PDS5B: variants seen among roughly 807,000 people sequenced by gnomAD.
PDS5B encodes the protein sister chromatid cohesion protein PDS5 homolog B.
PDS5B carries 51 observed loss-of-function variants against 184.1 expected under a neutral mutation model. That is an observed-to-expected ratio of 0.28 (90% CI 0.22 to 0.35). The LOEUF (loss-of-function observed/expected upper bound fraction) is 0.35. Ranked by LOEUF, PDS5B falls within the 10% of genes least tolerant of loss-of-function variation. The probability of loss-of-function intolerance (pLI) is 1.00; values close to 1 mark genes in which losing one functional copy is unlikely to be tolerated. For synonymous variants in PDS5B, 566 were observed against 569.2 expected (o/e 0.99, Z 0.08); for missense variants, 1,180 against 1,723.3 (o/e 0.68, Z 5.58).
chr13:32,694,401 G>A, intron 14 of PDS5B, 97 bp downstream of exon 14: 1 of 788,972 alleles, frequency 1.3e-6, no homozygotes, highest in South Asian at 1.5e-5. Flanking sequence ...CTTTCTGTTT[G>A]CAAAAGTTCT....
intron 1 of PDS5B, among the ~76,000 whole-genome samples, chr13:32,598,890 C>T (rs2057925069): frequency 1.3e-5 from 2 of 151,546 alleles, no homozygotes; most frequent in African/African-American, 4.9e-5. Flanking sequence ...CCTGCCTCAG[C>T]CTTCCAAGTA....
At chr13:32,762,436 T>C (rs1235060660) in intron 30 of PDS5B, among the ~76,000 whole-genome samples, 6 of 152,224 alleles carry the variant, frequency 3.9e-5, no homozygotes, top group Admixed American at 6.5e-5. Flanking sequence ...ATTGCATTTA[T>C]AGCTTTTGTT....
At chr13:32,757,490 A>G (rs959354842) in intron 26 of PDS5B, among the ~76,000 whole-genome samples, 3 of 133,172 alleles carry the variant, frequency 2.3e-5, no homozygotes, top group South Asian at 4.5e-4. Flanking sequence ...TCTATAATAC[A>G]TAGGCAAAAC....
intron 19 of PDS5B, among the ~76,000 whole-genome samples, chr13:32,730,669 G>A (rs879119492): frequency 6.6e-6 from 1 of 152,068 alleles, no homozygotes; most frequent in Non-Finnish European, 1.5e-5. Context: ...CCCATCCCTT[G>A]TAAGTTGTAT....
chr13:32,702,324 T>G (rs1298539141), intron 17 of PDS5B, among the ~76,000 whole-genome samples: 1 of 152,132 alleles, frequency 6.6e-6, no homozygotes, highest in Non-Finnish European at 1.5e-5. Flanking sequence ...GAAGAGGTAG[T>G]TCTGAGGTTT....
chr13:32,704,816 G>T (rs1358978261), intron 17 of PDS5B, among the ~76,000 whole-genome samples: 1 of 152,184 alleles, frequency 6.6e-6, no homozygotes, highest in Non-Finnish European at 1.5e-5. Context: ...ATGACATAGA[G>T]ATTCTGTACA....
At chr13:32,652,595 A>AT (rs954772898) in intron 3 of PDS5B, 1 of 118,006 alleles carries the variant, frequency 8.5e-6, no homozygotes, top group Non-Finnish European at 1.9e-5. Flanking sequence ...AAAAAAAAAA[A>AT]AAAAAGGAAA....
chr13:32,755,812 T>TA (rs754454441), intron 25 of PDS5B, 30 bp from the exon 26 acceptor site: 10 of 1,076,296 alleles, frequency 9.3e-6, no homozygotes, highest in Non-Finnish European at 1.4e-5. Context: ...TTTTGTTTTT[T>TA]TTTGTTTGTT....
intron 6 of PDS5B, among the ~76,000 whole-genome samples, chr13:32,664,198 G>T (rs1950725046): frequency 6.6e-6 from 1 of 152,052 alleles, no homozygotes; most frequent in South Asian, 2.1e-4. Context: ...TATATTAGTG[G>T]AATAAGACAA....
At chr13:32,753,294 C>A in intron 24 of PDS5B, 38 bp from the exon 25 acceptor site, 2 of 1,526,044 alleles carry the variant, frequency 1.3e-6, no homozygotes, top group Non-Finnish European at 1.8e-6. Context: ...CTCTTTGCTG[C>A]CATTTGAATA....
intron 1 of PDS5B, among the ~76,000 whole-genome samples, chr13:32,636,705 G>A (rs2058566819): frequency 6.6e-6 from 1 of 152,226 alleles, no homozygotes; most frequent in Admixed American, 6.5e-5. Context: ...CATTAGGTAT[G>A]TAGCAGTGAA....
In PDS5B at chr13:32,616,471, A is replaced by G. The variant is rs116407577; in HGVS notation, c.-20+29878A>G. On this transcript the variant is annotated intron_variant, in intron 1 of 34. Transcript: ENST00000315596. ...TTTTGGATTTTGAGCCAGCACATAA[A>G]ATGCTTCACCATTTTATGATGTTAC... Among the ~76,000 whole-genome samples, 1,275 of 152,294 alleles carry G rather than the reference A, an allele frequency of 8.4e-3. 18 individuals carry two copies. The highest frequency in any genetic ancestry group is 0.029 in the African/African-American group (1,205 of 41,558).
chr13:32,667,702 AG>A (rs1380467664), intron 6 of PDS5B, 61 bp from the exon 7 acceptor site: 1 of 895,954 alleles, frequency 1.1e-6, no homozygotes, highest in African/African-American at 1.8e-5. Context: ...TTTTGAATAC[AG>A]GTAATATTTT....
At chr13:32,589,518 C>T (rs2057741747) in intron 1 of PDS5B, among the ~76,000 whole-genome samples, 1 of 152,268 alleles carries the variant, frequency 6.6e-6, no homozygotes, top group South Asian at 2.1e-4. Flanking sequence ...CTTTATGTAA[C>T]ATTACTTGAC....
In PDS5B at chr13:32,710,040, A is replaced by G. The variant is rs1410411660; in HGVS notation, c.2057A>G (p.Glu686Gly). The change falls in exon 19 of 35, where the codon GAA becomes GGA. Residue 686 changes from glutamate to glycine, a missense_variant. Around this residue, in one of 11 missense-constraint regions of PDS5B, gnomAD observed 475 missense variants for 691.5 expected, o/e 0.69. Transcript: ENST00000315596. ...CLKMDDEKVA[E>G]AALQIFKNTG... Reference sequence around the variant, plus strand: ...AAAATGGATGATGAAAAAGTAGCAGAAGCTGCACTACAAATTTTCAAAAAC... The same window carrying G: ...AAAATGGATGATGAAAAAGTAGCAGGAGCTGCACTACAAATTTTCAAAAAC... 1.3e-6 allele frequency: 2 copies of G among 1,545,290 alleles called. No individual in the cohort carries two copies. Among genetic ancestry groups the G allele is most frequent in the Admixed American group, 3.5e-5 (2 of 57,900 alleles).
At chr13:32,647,602 C>T (rs1210494213) in intron 1 of PDS5B, among the ~76,000 whole-genome samples, 1 of 151,946 alleles carries the variant, frequency 6.6e-6, no homozygotes, top group African/African-American at 2.4e-5. Flanking sequence ...TTCGTATCTG[C>T]GAATACATTG....
chr13:32,595,351 T>G (rs1357494922), intron 1 of PDS5B, among the ~76,000 whole-genome samples: 1 of 152,084 alleles, frequency 6.6e-6, no homozygotes, highest in Non-Finnish European at 1.5e-5. Flanking sequence ...ACATATATAC[T>G]CCAAAAGTAA....
chr13:32,703,478 G>C (rs142284169), intron 17 of PDS5B, among the ~76,000 whole-genome samples: 1 of 152,116 alleles, frequency 6.6e-6, no homozygotes, highest in African/African-American at 2.4e-5. Context: ...TTTATAATGT[G>C]CCTGGTGTTA....
chr13:32,620,656 CA>C (rs376008300), intron 1 of PDS5B, among the ~76,000 whole-genome samples: 33,103 of 92,324 alleles, frequency 0.36, 4,096 homozygotes, highest in Non-Finnish European at 0.44. Context: ...GACTCCGTCT[CA>C]AAAAAAAAAA....
Sources: gnomAD v4.1 joint callset for allele counts (sites outside exome capture counted in the v4.1 genomes callset) on GRCh38, gnomAD v4.1.1 for gene constraint, gnomAD v4.1.1 regional missense constraint, MANE v1.5 for transcripts, NCBI Gene and HGNC (gene_info 2026-07-23, HGNC 2026-07-21) for gene names.